The following MSR1 variants were observed in gnomAD, a reference collection of about 807,000 sequenced individuals.
MSR1 encodes macrophage scavenger receptor 1.
A neutral mutation model predicts 47.2 loss-of-function variants in MSR1; 53 were observed. The ratio of observed to expected loss-of-function variants is 1.12; its 90% CI spans 0.90 to 1.41. MSR1 has a LOEUF of 1.41. MSR1 is among the 40% of genes most tolerant of loss of function. The pLI is 0.00. For missense variants in MSR1, 786 were observed against 546.9 expected, an observed-to-expected ratio of 1.44 and a Z score of -4.36; for synonymous variants, 239 against 185.6, an observed-to-expected ratio of 1.29 and a Z score of -2.34.
At chr8:16,149,886 A>T (rs351554) in intron 7 of MSR1, among the ~76,000 whole-genome samples, 1 of 151,092 alleles carries the variant, frequency 6.6e-6, no homozygotes, top group East Asian at 2.0e-4. Context: ...TATCATTGTT[A>T]GTGATGATTT....
At chr8:16,139,762 AAAAAAAAAAAAAATATATAT>A (rs1278487916) in intron 8 of MSR1, 11 of 165,522 alleles carry the variant, frequency 6.6e-5, no homozygotes, top group African/African-American at 6.1e-4. Context: ...AAAAAAAAAA[AAAAAAAAAAAAAATATATAT>A]ATATATATAT....
chr8:16,146,636 T>C (rs1403099349), intron 7 of MSR1, among the ~76,000 whole-genome samples: 1 of 152,108 alleles, frequency 6.6e-6, no homozygotes, highest in African/African-American at 2.4e-5. Context: ...TGTGTTTGCC[T>C]TTTTTCATGC....
intron 4 of MSR1, among the ~76,000 whole-genome samples, chr8:16,165,575 T>A (rs1483171248): frequency 6.6e-5 from 10 of 152,130 alleles, no homozygotes; most frequent in Admixed American, 6.6e-4. Context: ...TATTATTGTA[T>A]TAAGTACTCC....
At position 16,130,926 on chromosome 8, in the gene MSR1, G is replaced by C. The variant is rs193251005; in HGVS notation, c.1034-10320C>G. ...TTCCATGTCTTTGCTATTGTGAATA[G>C]TGCTGTGATGAACATATGAGAGTAT... On this transcript the variant is annotated intron_variant, in intron 8 of 9. Transcript: ENST00000262101. Among the ~76,000 whole-genome samples, 201 of 152,136 alleles carry C rather than the reference G, an allele frequency of 1.3e-3. 2 individuals carry two copies. Among genetic ancestry groups the C allele is most frequent in the African/African-American group, 4.8e-3 (199 of 41,522 alleles).
chr8:16,155,144 C>A lies in MSR1; in HGVS notation c.818G>T (p.Gly273Val). 6.2e-7 allele frequency: 1 copy of A among 1,610,130 alleles called. No homozygotes were observed. Among genetic ancestry groups the A allele is most frequent in the Non-Finnish European group, 8.5e-7 (1 of 1,177,316 alleles). ...TTTTTCACCCGGGGGTCCAGGAGGA[C>A]CTTTAAAAAAATTACAGTTACTGAT... ...QTLRNITLIQ[G>V]PPGPPGEKGD... is the part of the protein sequence containing the mutation. The change falls in exon 6 of 10, where the codon GGT becomes GTT. Residue 273 changes from glycine (G) to valine (V), a missense_variant and splice_region_variant. Gly to Val is a moderately radical substitution (Grantham distance 109). Coordinates refer to ENST00000262101, the MANE Select transcript of MSR1 (RefSeq NM_138715.3).
intron 1 of MSR1, chr8:16,186,250 C>G: frequency 6.7e-7 from 1 of 1,498,552 alleles, no homozygotes. Flanking sequence ...CTCCTCATCT[C>G]CCCAACGTCT....
At position 16,126,350 on chromosome 8, in the gene MSR1, A is replaced by G. The variant is rs999926866; in HGVS notation, c.1034-5744T>C. On this transcript the variant is annotated intron_variant, in intron 8 of 9. Coordinates refer to ENST00000262101, the MANE Select transcript of MSR1 (RefSeq NM_138715.3). ...TGAGGAGCATAACAGTTATTATCCTATTGTTTACTCATAGTCATGATTTCC... is the reference window on the plus strand; with the variant it reads ...TGAGGAGCATAACAGTTATTATCCTGTTGTTTACTCATAGTCATGATTTCC... Among the ~76,000 whole-genome samples the G allele has an allele frequency of 2.0e-5, 3 of 152,114 alleles. No homozygotes were observed. In the South Asian group the frequency reaches 6.2e-4, roughly 32 times the overall value.
At chr8:16,160,954 AAGAG>A (rs1801142906) in intron 5 of MSR1, among the ~76,000 whole-genome samples, 1 of 151,854 alleles carries the variant, frequency 6.6e-6, no homozygotes, top group African/African-American at 2.4e-5. Context: ...GGATTTAAGC[AAGAG>A]AGAGAAAAGA....
intron 1 of MSR1, among the ~76,000 whole-genome samples, chr8:16,189,753 T>G (rs1225745108): frequency 7.7e-6 from 1 of 129,490 alleles, no homozygotes; most frequent in Non-Finnish European, 1.6e-5. Context: ...AATCTTATTT[T>G]ATATATATTT....
intron 6 of MSR1, among the ~76,000 whole-genome samples, chr8:16,150,650 T>C (rs1800830499): frequency 6.6e-6 from 1 of 152,086 alleles, no homozygotes; most frequent in Admixed American, 6.6e-5. Flanking sequence ...GTAGCTGAAA[T>C]AATAACTTTA....
At chr8:16,172,100 G>C (rs895589035) in intron 3 of MSR1, among the ~76,000 whole-genome samples, 3 of 152,068 alleles carry the variant, frequency 2.0e-5, no homozygotes, top group African/African-American at 7.2e-5. Flanking sequence ...TCTTTTTCTG[G>C]AGTTGGATGT....
intron 8 of MSR1, chr8:16,140,180 T>C (rs1038058660): frequency 2.0e-6 from 2 of 985,084 alleles, no homozygotes; most frequent in African/African-American, 3.5e-5. Context: ...TCAATACTCA[T>C]GACAGTTCTC....
chr8:16,183,597 A>T (rs1801902383), intron 1 of MSR1, among the ~76,000 whole-genome samples: 1 of 139,700 alleles, frequency 7.2e-6, no homozygotes, highest in Admixed American at 8.0e-5. Flanking sequence ...TACATAATAT[A>T]TTATATAATA....
At chr8:16,132,250 A>T (rs1379059695) in intron 8 of MSR1, among the ~76,000 whole-genome samples, 1 of 151,862 alleles carries the variant, frequency 6.6e-6, no homozygotes, top group African/African-American at 2.4e-5. Context: ...TTTTGTGGCA[A>T]TTGTGAATGG....
intron 8 of MSR1, among the ~76,000 whole-genome samples, chr8:16,126,337 C>A (rs2117074655): frequency 6.6e-6 from 1 of 152,146 alleles, no homozygotes; most frequent in East Asian, 1.9e-4. Flanking sequence ...AGGAGCATAA[C>A]AGTTATTATC....
intron 5 of MSR1, among the ~76,000 whole-genome samples, chr8:16,161,893 T>G (rs1801173733): frequency 6.6e-6 from 1 of 151,980 alleles, no homozygotes; most frequent in African/African-American, 2.4e-5. Context: ...TTCTAGTTGC[T>G]AATGATATAA....
In MSR1 at chr8:16,189,463, T is replaced by C. The variant is rs1802113549; in HGVS notation, c.-5+3135A>G. Among the ~76,000 whole-genome samples the C allele has an allele frequency of 7.8e-3, 2 of 258 alleles. 1 individual carries two copies. Among genetic ancestry groups the C allele is most frequent in the Admixed American group, 0.12 (2 of 16 alleles). 0.2% of individuals were successfully genotyped at this position (258 alleles called of 152,430 possible). On this transcript the variant is annotated intron_variant, in intron 1 of 9. Transcript: ENST00000262101. ...TATATATATAAAATCTTATTTTATA[T>C]ATATTTTATATATTTTATATATAAA...
At chr8:16,167,836 C>A (rs1035889513) in intron 4 of MSR1, among the ~76,000 whole-genome samples, 3 of 152,140 alleles carry the variant, frequency 2.0e-5, no homozygotes, top group African/African-American at 7.2e-5. Flanking sequence ...TTTCTCTAAT[C>A]TTTCTATAGC....
chr8:16,107,908 A>C lies in MSR1; in HGVS notation c.*2177T>G, dbSNP rs1799672050. ...AATTTCTGTTTTTTTTAATGGAACAAATGCAATTCAACATTCCAAAGTAAA... is the reference window on the plus strand; with the variant it reads ...AATTTCTGTTTTTTTTAATGGAACACATGCAATTCAACATTCCAAAGTAAA... On this transcript the variant is annotated 3_prime_UTR_variant, in exon 10 of 10. Coordinates refer to ENST00000262101, the MANE Select transcript of MSR1 (RefSeq NM_138715.3). 6.6e-6 allele frequency: 1 copy of C among 151,894 alleles called. No individual in the cohort carries two copies. Among genetic ancestry groups the C allele is most frequent in the African/African-American group, 2.4e-5 (1 of 41,392 alleles). The allele number at this position is 151,894 out of a possible 1,614,324, so 9.4% of individuals were successfully genotyped here.
Sources: gnomAD v4.1 joint callset for allele counts (sites outside exome capture counted in the v4.1 genomes callset) on GRCh38, gnomAD v4.1.1 for gene constraint, MANE v1.5 for transcripts, NCBI Gene and HGNC (gene_info 2026-07-23, HGNC 2026-07-21) for gene names.